RTKN2: variants seen among roughly 807,000 people sequenced by gnomAD.
The protein encoded by RTKN2 is rhotekin 2, also known as rhotekin-2.
A neutral mutation model predicts 71.5 loss-of-function variants in RTKN2; 69 were observed. That is an observed-to-expected ratio of 0.96 (90% confidence interval 0.79 to 1.18). RTKN2 has a LOEUF of 1.18. Among genes scored for constraint, RTKN2 ranks in the 50% most tolerant of loss-of-function variants. RTKN2 has a pLI of 0.00. For missense variants in RTKN2, 724 were observed against 719.7 expected, an observed-to-expected ratio of 1.01 and a Z score of -0.07; for synonymous variants, 236 against 236.5, an observed-to-expected ratio of 1.00 and a Z score of 0.02.
At chr10:62,187,636 C>CT (rs1841157863) in intron 8 of RTKN2, among the ~76,000 whole-genome samples, 1 of 151,784 alleles carries the variant, frequency 6.6e-6, no homozygotes, top group African/African-American at 2.4e-5. Flanking sequence ...ACTTTTTTTT[C>CT]CTTTTTAGAA....
chr10:62,245,610 C>T (rs1427336997), intron 3 of RTKN2, among the ~76,000 whole-genome samples: 1 of 152,062 alleles, frequency 6.6e-6, no homozygotes, highest in Non-Finnish European at 1.5e-5. Context: ...GGTACCAAAA[C>T]CTCATGGAAC....
chr10:62,216,163 T>G (rs1466141486), intron 9 of RTKN2, among the ~76,000 whole-genome samples: 1 of 151,940 alleles, frequency 6.6e-6, no homozygotes, highest in African/African-American at 2.4e-5. Context: ...AGTAGACTGG[T>G]ACCCACGCGT....
chr10:62,230,804 T>C (rs1282552089), intron 6 of RTKN2, among the ~76,000 whole-genome samples: 1 of 152,214 alleles, frequency 6.6e-6, no homozygotes. Context: ...TTATATTGGC[T>C]TTATAACTCA....
chr10:62,210,866 T>C (rs1226731176), intron 9 of RTKN2, among the ~76,000 whole-genome samples: 1 of 152,106 alleles, frequency 6.6e-6, no homozygotes, highest in Non-Finnish European at 1.5e-5. Flanking sequence ...TCTGAATAGT[T>C]GATATGATTA....
intron 8 of RTKN2, among the ~76,000 whole-genome samples, chr10:62,187,652 T>G (rs1350076208): frequency 6.6e-6 from 1 of 152,220 alleles, no homozygotes; most frequent in Non-Finnish European, 1.5e-5. Context: ...TAGAAATTTT[T>G]AAATCAAGTC....
chr10:62,265,903 C>T (rs1842860607), intron 1 of RTKN2, among the ~76,000 whole-genome samples: 1 of 152,128 alleles, frequency 6.6e-6, no homozygotes, highest in Non-Finnish European at 1.5e-5. Flanking sequence ...TCATCAGTGT[C>T]GCTCCCTCAG....
intron 3 of RTKN2, among the ~76,000 whole-genome samples, chr10:62,245,617 G>C (rs114306941): frequency 6.6e-6 from 1 of 152,106 alleles, no homozygotes. Flanking sequence ...AAACCTCATG[G>C]AACTTCTGAC....
chr10:62,212,664 T>C lies in RTKN2; in HGVS notation c.1020+4454A>G, dbSNP rs572344809. 9.9e-5 allele frequency among the ~76,000 whole-genome samples: 15 copies of C among 151,728 alleles called. No homozygotes were observed. In the East Asian group the frequency reaches 2.9e-3, roughly 30 times the overall value. ...GCTGCAGTGAGCTGTGATGGCACCA[T>C]TGCACTCCAGCCTGAGAGACAGGGC... On this transcript the variant is annotated intron_variant, in intron 9 of 11. Transcript: ENST00000373789.
At chr10:62,211,110 T>C (rs1027238380) in intron 9 of RTKN2, among the ~76,000 whole-genome samples, 1 of 152,220 alleles carries the variant, frequency 6.6e-6, no homozygotes, top group African/African-American at 2.4e-5. Flanking sequence ...ACACTTTTTT[T>C]TAACCGTCAC....
chr10:62,267,518 A>G (rs577536362), intron 1 of RTKN2, among the ~76,000 whole-genome samples: 11 of 152,354 alleles, frequency 7.2e-5, no homozygotes, highest in African/African-American at 2.4e-4. Context: ...GAAATTTTTG[A>G]AAATGCTGGC....
At chr10:62,231,387 G>A (rs1162296373) in intron 6 of RTKN2, among the ~76,000 whole-genome samples, 1 of 151,978 alleles carries the variant, frequency 6.6e-6, no homozygotes, top group Non-Finnish European at 1.5e-5. Context: ...ATCTTATCAG[G>A]GAGCTTACTA....
At chr10:62,245,388 A>C (rs1020870792) in intron 3 of RTKN2, among the ~76,000 whole-genome samples, 7 of 152,188 alleles carry the variant, frequency 4.6e-5, no homozygotes, top group Admixed American at 4.6e-4. Context: ...CAAGGAGAGA[A>C]ATGTCTGCTA....
chr10:62,190,741 TCTC>T (rs1219171498), downstream of RTKN2, among the ~76,000 whole-genome samples: 1 of 152,110 alleles, frequency 6.6e-6, no homozygotes, highest in Non-Finnish European at 1.5e-5. Flanking sequence ...GAGTGCTCAT[TCTC>T]CTAACTCCGT....
chr10:62,221,507 C>G (rs906593536), intron 7 of RTKN2, among the ~76,000 whole-genome samples: 31 of 152,032 alleles, frequency 2.0e-4, no homozygotes, highest in African/African-American at 5.3e-4. Flanking sequence ...AAATTAAAAT[C>G]CAATATAATG....
intron 7 of RTKN2, among the ~76,000 whole-genome samples, chr10:62,221,797 T>C (rs1305498876): frequency 6.6e-6 from 1 of 151,838 alleles, no homozygotes; most frequent in Non-Finnish European, 1.5e-5. Flanking sequence ...ATTACAAGAA[T>C]GAGAATTAAA....
intron 10 of RTKN2, among the ~76,000 whole-genome samples, chr10:62,200,143 C>T (rs1350777321): frequency 6.6e-6 from 1 of 151,970 alleles, no homozygotes; most frequent in African/African-American, 2.4e-5. Flanking sequence ...GTGGGCAGAT[C>T]ACCTGAGGTC....
intron 9 of RTKN2, among the ~76,000 whole-genome samples, chr10:62,210,224 T>C (rs1364232749): frequency 9.9e-5 from 15 of 152,204 alleles, no homozygotes; most frequent in Admixed American, 9.8e-4. Flanking sequence ...TTTTTAACGA[T>C]ATATTAACTA....
chr10:62,196,514 A>C lies in RTKN2; in HGVS notation c.*1394T>G. On this transcript the variant is annotated 3_prime_UTR_variant, in exon 12 of 12. Transcript: ENST00000373789. ...GAAAAGACCCCGCTATCTGAAAATAATGAAAGGCTCCATTTAAATTAATGT... is the reference window on the plus strand; with the variant it reads ...GAAAAGACCCCGCTATCTGAAAATACTGAAAGGCTCCATTTAAATTAATGT... 1 of 985,398 alleles carries C rather than the reference A, an allele frequency of 1.0e-6. No homozygotes were observed. Among genetic ancestry groups the C allele is most frequent in the Admixed American group, 6.1e-5 (1 of 16,282 alleles). 61.0% of individuals were successfully genotyped at this position (985,398 alleles called of 1,614,324 possible).
rs1282831439 is a variant in RTKN2 at position 62,204,857 on chromosome 10, T to C, written c.1186A>G (p.Ser396Gly). The change falls in exon 10 of 12, where the codon AGC (serine) becomes GGC (glycine). Residue 396 changes from serine to glycine, a missense_variant and splice_region_variant. Coordinates refer to ENST00000373789, the MANE Select transcript of RTKN2 (RefSeq NM_145307.4). Reference sequence around the variant, plus strand: ...TAAAAAAATCCAAATATCTATTTACTAAGATCAAAGAAATGCTGCCAGAAG... The same window carrying C: ...TAAAAAAATCCAAATATCTATTTACCAAGATCAAAGAAATGCTGCCAGAAG... Reference protein sequence around the residue: ...EAFWQHFFDLSQWKHCCEELM... With the variant: ...EAFWQHFFDLGQWKHCCEELM... The C allele has an allele frequency of 1.3e-6, 2 of 1,558,894 alleles. No homozygotes were observed. The highest frequency in any genetic ancestry group is 2.5e-5 in the South Asian group (2 of 80,500).
Sources: allele counts gnomAD v4.1 joint callset (sites outside exome capture counted in the v4.1 genomes callset), GRCh38; gene constraint gnomAD v4.1.1; transcripts MANE v1.5; gene names NCBI Gene and HGNC (gene_info 2026-07-23, HGNC 2026-07-21).